PTPRK: variants seen among roughly 807,000 people sequenced by gnomAD.
PTPRK encodes protein tyrosine phosphatase receptor type K.
PTPRK carries 75 observed loss-of-function variants against 178.0 expected under a neutral mutation model. That is an observed-to-expected ratio of 0.42 (90% CI 0.35 to 0.51). PTPRK has a LOEUF of 0.51. PTPRK is among the 20% of genes least tolerant of loss of function. PTPRK has a pLI of 0.02. For missense variants in PTPRK, 1,441 were observed against 1,797.8 expected (o/e 0.80, Z 3.59); for synonymous variants, 637 against 620.6 (o/e 1.03, Z -0.39).
At chr6:128,436,431 C>T (rs937882001) in intron 1 of PTPRK, among the ~76,000 whole-genome samples, 2 of 152,240 alleles carry the variant, frequency 1.3e-5, no homozygotes, top group East Asian at 3.9e-4. Flanking sequence ...TTGACATTGT[C>T]GCTTACTTTA....
intron 7 of PTPRK, among the ~76,000 whole-genome samples, chr6:128,115,260 T>C (rs1375342393): frequency 6.6e-6 from 1 of 152,104 alleles, no homozygotes; most frequent in Non-Finnish European, 1.5e-5. Flanking sequence ...ATATGTCCCC[T>C]AGGATCCTCT....
chr6:128,098,611 G>C (rs2115047869), intron 7 of PTPRK, among the ~76,000 whole-genome samples: 1 of 152,196 alleles, frequency 6.6e-6, no homozygotes, highest in Middle Eastern at 3.4e-3. Context: ...CCACTGATGA[G>C]AGTTTGTGGT....
intron 7 of PTPRK, among the ~76,000 whole-genome samples, chr6:128,175,955 C>T (rs904785050): frequency 6.6e-6 from 1 of 151,688 alleles, no homozygotes; most frequent in Non-Finnish European, 1.5e-5. Context: ...GCCCCCCACC[C>T]CAAATAAAAG....
chr6:128,315,976 C>A (rs1562269229), intron 3 of PTPRK, among the ~76,000 whole-genome samples: 1 of 152,002 alleles, frequency 6.6e-6, no homozygotes, highest in South Asian at 2.1e-4. Context: ...AAAACTAGAC[C>A]AATTCCAATT....
At chr6:128,004,661 T>C (rs1778218292) in intron 15 of PTPRK, among the ~76,000 whole-genome samples, 1 of 151,858 alleles carries the variant, frequency 6.6e-6, no homozygotes, top group Admixed American at 6.6e-5. Flanking sequence ...ATTTTACCTA[T>C]GTCAATAATT....
chr6:128,201,082 C>G (rs6933029), intron 6 of PTPRK, among the ~76,000 whole-genome samples: 11,274 of 152,084 alleles, frequency 0.074, 866 homozygotes, highest in East Asian at 0.34. Context: ...TCTTTGATTA[C>G]TAAGCACTAT....
intron 7 of PTPRK, among the ~76,000 whole-genome samples, chr6:128,165,677 A>T (rs1490370179): frequency 6.6e-6 from 1 of 151,374 alleles, no homozygotes; most frequent in Non-Finnish European, 1.5e-5. Context: ...AGCTGTTCAT[A>T]AGATGATTTT....
intron 6 of PTPRK, among the ~76,000 whole-genome samples, chr6:128,212,202 T>C (rs992030696): frequency 2.6e-5 from 4 of 152,012 alleles, no homozygotes; most frequent in African/African-American, 9.7e-5. Flanking sequence ...AATTAAATTA[T>C]GAGATTCTTA....
intron 7 of PTPRK, among the ~76,000 whole-genome samples, chr6:128,154,861 T>C (rs1342351528): frequency 6.6e-6 from 1 of 151,778 alleles, no homozygotes; most frequent in Non-Finnish European, 1.5e-5. Context: ...GAAAAGTAGA[T>C]AGAAGAATGT....
At chr6:128,406,783 A>G (rs563487857) in intron 1 of PTPRK, among the ~76,000 whole-genome samples, 1 of 152,324 alleles carries the variant, frequency 6.6e-6, no homozygotes, top group African/African-American at 2.4e-5. Flanking sequence ...AATCACAGTA[A>G]CTTTCTCCTC....
chr6:128,274,322 T>C (rs1404997340), intron 3 of PTPRK, among the ~76,000 whole-genome samples: 1 of 152,124 alleles, frequency 6.6e-6, no homozygotes, highest in Non-Finnish European at 1.5e-5. Flanking sequence ...CCTGACAAAC[T>C]AAATTCCATC....
chr6:128,407,619 G>A (rs1055676829), intron 1 of PTPRK, among the ~76,000 whole-genome samples: 3 of 95,864 alleles, frequency 3.1e-5, no homozygotes, highest in Non-Finnish European at 5.5e-5. Context: ...CTGATGGACA[G>A]AGCAAGACCC....
At chr6:128,224,695 T>C (rs1202055731) in intron 5 of PTPRK, among the ~76,000 whole-genome samples, 1 of 152,218 alleles carries the variant, frequency 6.6e-6, no homozygotes, top group African/African-American at 2.4e-5. Context: ...TATCGGTCCA[T>C]ATTCTGGCCA....
chr6:128,070,164 C>G (rs1032319543), intron 11 of PTPRK, among the ~76,000 whole-genome samples: 20 of 152,034 alleles, frequency 1.3e-4, no homozygotes, highest in African/African-American at 4.6e-4. Flanking sequence ...TTCATTTATT[C>G]TTTGAATGGT....
chr6:128,263,517 G>A (rs140318450), intron 3 of PTPRK, among the ~76,000 whole-genome samples: 21 of 152,102 alleles, frequency 1.4e-4, no homozygotes, highest in African/African-American at 4.1e-4. Context: ...ACCATTATAC[G>A]GTATTATCTA....
chr6:128,260,181 AT>A lies in PTPRK; in HGVS notation c.496-17580del, dbSNP rs113202687. On this transcript the variant is annotated intron_variant, in intron 3 of 29. Coordinates refer to ENST00000368226, the MANE Select transcript of PTPRK (RefSeq NM_002844.4). ...CTGATGACATGGCTTCCTAAAATAT[AT>A]TTTTTTTTATTCTATTTTTTAAAAG... is the stretch of plus-strand genomic sequence containing the variant. Among the ~76,000 whole-genome samples the A allele has an allele frequency of 7.6e-3, 1,157 of 151,678 alleles. 11 individuals are homozygous for A. Among genetic ancestry groups the A allele is most frequent in the African/African-American group, 0.022 (916 of 41,398 alleles).
intron 11 of PTPRK, among the ~76,000 whole-genome samples, chr6:128,069,669 A>T (rs1369345069): frequency 6.6e-6 from 1 of 152,156 alleles, no homozygotes; most frequent in Admixed American, 6.6e-5. Context: ...TATCCTTGTT[A>T]ATCATTAATC....
intron 1 of PTPRK, among the ~76,000 whole-genome samples, chr6:128,464,674 T>TATATATATACAC (rs1407701569): frequency 4.0e-5 from 5 of 124,766 alleles, no homozygotes; most frequent in African/African-American, 1.5e-4. Flanking sequence ...TATATATATA[T>TATATATATACAC]ACAACAGATG....
chr6:128,236,380 G>T (rs368819145), intron 5 of PTPRK, among the ~76,000 whole-genome samples: 1 of 118,348 alleles, frequency 8.4e-6, no homozygotes, highest in Admixed American at 1.2e-4. Context: ...ACACATTCTC[G>T]CTCTGTCACC....
Sources: gnomAD v4.1 joint callset for allele counts (sites outside exome capture counted in the v4.1 genomes callset) on GRCh38, gnomAD v4.1.1 for gene constraint, MANE v1.5 for transcripts, NCBI Gene and HGNC (gene_info 2026-07-23, HGNC 2026-07-21) for gene names.